Variants in COPS7B observed in about 807,000 individuals in gnomAD.
COPS7B encodes COP9 signalosome complex subunit 7b.
Under a neutral mutation model 33.4 loss-of-function variants are expected in COPS7B, and 9 were observed. The ratio of observed to expected loss-of-function variants is 0.27; its 90% CI spans 0.16 to 0.47. The LOEUF (loss-of-function observed/expected upper bound fraction) is 0.47. Ranked by LOEUF, COPS7B falls within the 20% of genes least tolerant of loss-of-function variation. The pLI is 0.99. For missense variants in COPS7B, 242 were observed against 318.2 expected (o/e 0.76, Z 1.82); for synonymous variants, 119 against 126.3 (o/e 0.94, Z 0.39).
At chr2:231,797,578 A>T (rs1200730190) in intron 5 of COPS7B, among the ~76,000 whole-genome samples, 1 of 152,172 alleles carries the variant, frequency 6.6e-6, no homozygotes, top group Non-Finnish European at 1.5e-5. Flanking sequence ...TATGTTTGAC[A>T]TAGAGGTGCC....
intron 2 of COPS7B, chr2:231,790,809 G>T (rs2049393066): frequency 6.6e-6 from 1 of 150,906 alleles, no homozygotes; most frequent in African/African-American, 2.4e-5. Context: ...CGCAATCTCG[G>T]CTCACTGCAA....
intron 6 of COPS7B, among the ~76,000 whole-genome samples, chr2:231,807,055 A>T (rs926743808): frequency 6.6e-6 from 1 of 152,164 alleles, no homozygotes; most frequent in East Asian, 1.9e-4. Context: ...TTCATTTCTC[A>T]CTTAGTTGGC....
chr2:231,801,981 G>T (rs2049763623), intron 6 of COPS7B, among the ~76,000 whole-genome samples: 1 of 152,098 alleles, frequency 6.6e-6, no homozygotes, highest in African/African-American at 2.4e-5. Context: ...CGCAATGTTG[G>T]CCAGGTTGTT....
At chr2:231,789,297 C>T (rs373137458) in intron 2 of COPS7B, 4 of 152,486 alleles carry the variant, frequency 2.6e-5, no homozygotes, top group South Asian at 2.1e-4. Context: ...GGTCATTGTG[C>T]CTCAAAAATG....
chr2:231,787,717 G>A (rs2049292035), intron 1 of COPS7B, among the ~76,000 whole-genome samples: 1 of 152,082 alleles, frequency 6.6e-6, no homozygotes, highest in Non-Finnish European at 1.5e-5. Context: ...TCAAAATGAT[G>A]TCTCCCTTTA....
intron 4 of COPS7B, among the ~76,000 whole-genome samples, chr2:231,794,629 T>A (rs2049512282): frequency 6.6e-6 from 1 of 152,214 alleles, no homozygotes; most frequent in East Asian, 1.9e-4. Flanking sequence ...AGACTGCTGT[T>A]AAAGATATAC....
chr2:231,807,387 C>G, intron 6 of COPS7B, 100 bp from the exon 7 acceptor site: 2 of 1,149,122 alleles, frequency 1.7e-6, no homozygotes, highest in Non-Finnish European at 2.4e-6. Context: ...GGTTTTCTTG[C>G]AGAGGATTTT....
chr2:231,801,365 C>T (rs2106338639), intron 6 of COPS7B: 1 of 915,016 alleles, frequency 1.1e-6, no homozygotes, highest in Non-Finnish European at 1.3e-6. Context: ...TTCATTATTT[C>T]TGAGGAAGCA....
intron 1 of COPS7B, 47 bp downstream of exon 1, chr2:231,786,585 C>A: frequency 2.2e-6 from 2 of 902,330 alleles, no homozygotes; most frequent in Non-Finnish European, 2.7e-6. Flanking sequence ...GCGCTCCAGG[C>A]TCGGCCAGAC....
upstream of COPS7B, among the ~76,000 whole-genome samples, chr2:231,783,812 C>T (rs1222748325): frequency 6.6e-6 from 1 of 152,118 alleles, no homozygotes; most frequent in Non-Finnish European, 1.5e-5. Context: ...GCATTGCCCA[C>T]TGCAACCTCG....
intron 5 of COPS7B, 147 bp downstream of exon 5, chr2:231,796,455 C>T (rs1177891010): frequency 1.7e-5 from 11 of 656,272 alleles, no homozygotes; most frequent in Non-Finnish European, 2.7e-5. Context: ...AGTGGAGCTA[C>T]ATTTGTGATC....
chr2:231,804,766 G>A (rs1184265182), intron 6 of COPS7B, among the ~76,000 whole-genome samples: 1 of 152,096 alleles, frequency 6.6e-6, no homozygotes, highest in African/African-American at 2.4e-5. Context: ...GTTTTCTAAT[G>A]TCTTATTTGA....
chr2:231,790,227 CTG>C (rs2049373745), intron 2 of COPS7B: 1 of 152,320 alleles, frequency 6.6e-6, no homozygotes, highest in South Asian at 2.1e-4. Context: ...TGTTTTGTAA[CTG>C]TGGAAGATTG....
intron 6 of COPS7B, among the ~76,000 whole-genome samples, chr2:231,804,907 CTTA>C (rs1490797633): frequency 1.3e-5 from 2 of 152,240 alleles, no homozygotes; most frequent in East Asian, 1.9e-4. Context: ...GTCGTTACCT[CTTA>C]TTATGATTTT....
chr2:231,791,590 A>C lies in COPS7B; in HGVS notation c.163-143A>C, dbSNP rs548011128. ...TTTTTCCCGAAGAACCAGAGTTGGT[A>C]GAGACCCCAGGGGCCAAGTAATCAA... On this transcript the variant is annotated intron_variant, in intron 2 of 6. Transcript: ENST00000350033. The C allele has an allele frequency of 1.1e-5, 7 of 637,186 alleles. No homozygotes were observed. The South Asian group carries it at 1.4e-4, about 12-fold the overall frequency. 39.5% of individuals were successfully genotyped at this position (637,186 alleles called of 1,614,324 possible).
upstream of COPS7B, among the ~76,000 whole-genome samples, chr2:231,784,442 A>G (rs997132086): frequency 1.3e-5 from 2 of 152,062 alleles, no homozygotes; most frequent in African/African-American, 4.8e-5. Context: ...TGATAGTGCC[A>G]CTGCACTCCA....
At chr2:231,798,148 A>G (rs571153409) in intron 5 of COPS7B, among the ~76,000 whole-genome samples, 10 of 152,040 alleles carry the variant, frequency 6.6e-5, no homozygotes, top group African/African-American at 2.4e-4. Context: ...CGGCCTCCCA[A>G]GGTGCTGGGA....
intron 2 of COPS7B, chr2:231,788,996 T>G: frequency 2.9e-6 from 1 of 350,650 alleles, no homozygotes; most frequent in East Asian, 5.8e-5. Context: ...CCTGATAAAT[T>G]AGAAAAGTAG....
chr2:231,799,087 C>A (rs779883600), intron 6 of COPS7B, 123 bp downstream of exon 6: 44 of 803,270 alleles, frequency 5.5e-5, no homozygotes, highest in Non-Finnish European at 7.8e-5. Context: ...AACAAGTGGG[C>A]CTGGGCTAGG....
Sources: allele counts gnomAD v4.1 joint callset (sites outside exome capture counted in the v4.1 genomes callset), GRCh38; gene constraint gnomAD v4.1.1; transcripts MANE v1.5; gene names NCBI Gene and HGNC (gene_info 2026-07-23, HGNC 2026-07-21).